CBX1: variants seen among roughly 807,000 people sequenced by gnomAD.
The protein encoded by CBX1 is chromobox protein homolog 1.
CBX1 carries 10 observed loss-of-function variants against 25.1 expected under a neutral mutation model. The observed-to-expected ratio is 0.40, with a 90% CI of 0.25 to 0.68. The LOEUF (loss-of-function observed/expected upper bound fraction) is 0.68. Ranked by LOEUF, CBX1 falls within the 30% of genes least tolerant of loss-of-function variation. CBX1 has a pLI of 0.40. For synonymous variants in CBX1, 63 were observed against 79.4 expected, an observed-to-expected ratio of 0.79 and a Z score of 1.10; for missense variants, 106 against 218.5, an observed-to-expected ratio of 0.49 and a Z score of 3.25.
At chr17:48,100,958 G>C (rs2063406240) in intron 1 of CBX1, 16 of 986,332 alleles carry the variant, frequency 1.6e-5, no homozygotes, top group Non-Finnish European at 1.9e-5. Context: ...CAGCCGCCCA[G>C]CCAAGCAACA....
At chr17:48,080,419 A>AATTG (rs1567765308) in intron 1 of CBX1, among the ~76,000 whole-genome samples, 1 of 152,116 alleles carries the variant, frequency 6.6e-6, no homozygotes, top group South Asian at 2.1e-4. Flanking sequence ...AATGAAACAA[A>AATTG]ATTGATCAAC....
Position 48,071,479 on chromosome 17 carries a change from A to T in CBX1, c.514T>A (p.Ser172Thr). ...TTGTCATCATCCTCCGAGGGGTAGG[A>T]ATGCCACGTCAGCCTTTCCTCATAG... ...SFYEERLTWHSYPSEDDDKKD... is the reference protein window; with the variant it reads ...SFYEERLTWHTYPSEDDDKKD... The change falls in exon 5 of 5, where the codon TCC (serine) becomes ACC (threonine). Residue 172 changes from serine (S) to threonine (T), a missense_variant. Around this residue, in one of 4 missense-constraint regions of CBX1, gnomAD observed 71 missense variants for 144.1 expected, o/e 0.49. Transcript: ENST00000225603. The T allele has an allele frequency of 6.2e-7, 1 of 1,613,370 alleles. No homozygotes were observed. The highest frequency in any genetic ancestry group is 1.3e-5 in the African/African-American group (1 of 75,018).
At position 48,096,354 on chromosome 17, in the gene CBX1, A is replaced by G. The variant is rs551048471; in HGVS notation, c.-38+4914T>C. On this transcript the variant is annotated intron_variant, in intron 1 of 4. Transcript: ENST00000225603. ...CAGATTTTTGGGTTGAGAGGCCACA[A>G]GAGTCTACAAATGTTAGTATGGACA... 7.1e-6 allele frequency: 7 copies of G among 985,376 alleles called. No homozygotes were observed. The South Asian group carries it at 1.9e-4, about 26-fold the overall frequency. The allele number at this position is 985,376 out of a possible 1,614,324, so 61.0% of individuals were successfully genotyped here. A position where few individuals can be genotyped will look rare whatever the true frequency, so the allele number is the denominator to read the frequency against.
intron 1 of CBX1, chr17:48,088,223 A>G (rs2063324108): frequency 6.6e-6 from 1 of 151,892 alleles, no homozygotes; most frequent in Non-Finnish European, 1.5e-5. Flanking sequence ...AGGCAGAAGA[A>G]TTGCTACAAC....
At chr17:48,090,049 G>C (rs1233732430) in intron 1 of CBX1, among the ~76,000 whole-genome samples, 1 of 151,320 alleles carries the variant, frequency 6.6e-6, no homozygotes, top group African/African-American at 2.4e-5. Flanking sequence ...GCCTTCCAGG[G>C]CGTGCACCAC....
chr17:48,097,732 A>C (rs1208142279), intron 1 of CBX1, among the ~76,000 whole-genome samples: 1 of 152,232 alleles, frequency 6.6e-6, no homozygotes, highest in Non-Finnish European at 1.5e-5. Context: ...TGGTCATCAA[A>C]GTATAAATGC....
chr17:48,074,872 T>C, intron 4 of CBX1, 134 bp downstream of exon 4: 3 of 722,326 alleles, frequency 4.2e-6, no homozygotes, highest in Non-Finnish European at 7.5e-6. Context: ...CGAGGGTCAC[T>C]ATCGAAGGAC....
intron 1 of CBX1, among the ~76,000 whole-genome samples, chr17:48,089,772 G>A (rs901602222): frequency 4.6e-5 from 7 of 150,568 alleles, no homozygotes; most frequent in Non-Finnish European, 1.0e-4. Context: ...GTAGTGGGCC[G>A]AGATCGTGTC....
At chr17:48,084,474 G>C (rs1170702412) in intron 1 of CBX1, among the ~76,000 whole-genome samples, 1 of 148,476 alleles carries the variant, frequency 6.7e-6, no homozygotes, top group Non-Finnish European at 1.5e-5. Flanking sequence ...CTCCCAAAGT[G>C]CTGGGATAAC....
intron 1 of CBX1, among the ~76,000 whole-genome samples, chr17:48,086,084 A>C (rs1282587503): frequency 1.3e-5 from 2 of 152,114 alleles, no homozygotes; most frequent in Admixed American, 1.3e-4. Context: ...AAAAAACAAA[A>C]CAAAACAAAA....
At chr17:48,093,070 CAAAAAAA>C (rs748778471) in intron 1 of CBX1, among the ~76,000 whole-genome samples, 1 of 8,746 alleles carries the variant, frequency 1.1e-4, no homozygotes. Flanking sequence ...AACTCTGTCT[CAAAAAAA>C]AAAAAAAAAA....
chr17:48,090,387 T>C (rs895628989), intron 1 of CBX1, among the ~76,000 whole-genome samples: 1 of 152,212 alleles, frequency 6.6e-6, no homozygotes, highest in Admixed American at 6.5e-5. Flanking sequence ...AGAATTCATA[T>C]AGCTTTTGCT....
At chr17:48,077,436 TTTTTTTTTG>T (rs1202776469) in intron 1 of CBX1, among the ~76,000 whole-genome samples, 6 of 106,514 alleles carry the variant, frequency 5.6e-5, no homozygotes, top group South Asian at 3.1e-4. Context: ...TTTTGTTGTT[TTTTTTTTTG>T]TTTTTTTTGT....
rs750961406 is a variant in CBX1, at chr17:48,100,645, T to G, written c.-38+623A>C. 3 of 822,972 alleles carry G rather than the reference T, an allele frequency of 3.6e-6. No homozygotes were observed. In the African/African-American group the frequency reaches 5.6e-5, roughly 15 times the overall value. 51.0% of individuals were successfully genotyped at this position (822,972 alleles called of 1,614,324 possible). ...ATTCTCGGGATCTCCGCCCTACTTA[T>G]CCTAACAGCTCCTCCCCTTCCAGAG... On this transcript the variant is annotated intron_variant, in intron 1 of 4. Coordinates refer to ENST00000225603, the MANE Select transcript of CBX1 (RefSeq NM_001127228.2).
At position 48,099,869 on chromosome 17, in the gene CBX1, A is replaced by C. The variant is rs368466917; in HGVS notation, c.-38+1399T>G. Among the ~76,000 whole-genome samples the C allele has an allele frequency of 4.6e-5, 7 of 152,280 alleles. No individual in the cohort carries two copies. The East Asian group carries it at 7.7e-4, about 17-fold the overall frequency. On this transcript the variant is annotated intron_variant, in intron 1 of 4. Coordinates refer to ENST00000225603, the MANE Select transcript of CBX1 (RefSeq NM_001127228.2). ...AAAGAGGTAAAATATGGCCAGGCGC[A>C]GTGGCTCACGCCTATAATCCCAGCA...
At chr17:48,094,578 A>C (rs1383543274) in intron 1 of CBX1, among the ~76,000 whole-genome samples, 1 of 150,738 alleles carries the variant, frequency 6.6e-6, no homozygotes, top group Non-Finnish European at 1.5e-5. Context: ...TAAAAATACA[A>C]AAAAAAAATT....
Position 48,101,411 on chromosome 17 carries a change from G to T in CBX1, c.-181C>A, listed in dbSNP as rs142673229. On this transcript the variant is annotated 5_prime_UTR_variant, in exon 1 of 5. Coordinates refer to ENST00000225603, the MANE Select transcript of CBX1 (RefSeq NM_001127228.2). Reference sequence around the variant, plus strand: ...CCCTCACTGAAGCGGCGTACCGCAGGCCCCGGCCAACGGCCCTCCCCTCAG... The same window carrying T: ...CCCTCACTGAAGCGGCGTACCGCAGTCCCCGGCCAACGGCCCTCCCCTCAG... The T allele has an allele frequency of 0.025, 24,671 of 985,532 alleles. 321 individuals are homozygous for T. Among genetic ancestry groups the T allele is most frequent in the Non-Finnish European group, 0.027 (22,747 of 829,994 alleles). The allele number at this position is 985,532 out of a possible 1,614,324, so 61.0% of individuals were successfully genotyped here.
intron 1 of CBX1, among the ~76,000 whole-genome samples, chr17:48,086,968 T>A (rs1418787737): frequency 2.6e-5 from 4 of 151,342 alleles, no homozygotes; most frequent in Admixed American, 2.6e-4. Flanking sequence ...GGTGGGCAGA[T>A]CACAAGGTCA....
chr17:48,094,114 C>CCAA (rs2063359401), intron 1 of CBX1, among the ~76,000 whole-genome samples: 1 of 50,838 alleles, frequency 2.0e-5, no homozygotes, highest in Non-Finnish European at 3.3e-5. Flanking sequence ...AACTCTGTCT[C>CCAA]AAAAAAAAAA....
Sources: gnomAD v4.1 joint callset for allele counts (sites outside exome capture counted in the v4.1 genomes callset) on GRCh38, gnomAD v4.1.1 for gene constraint, gnomAD v4.1.1 regional missense constraint, MANE v1.5 for transcripts, NCBI Gene and HGNC (gene_info 2026-07-23, HGNC 2026-07-21) for gene names.